ICA1L: variants seen among roughly 807,000 people sequenced by gnomAD.
The protein encoded by ICA1L is islet cell autoantigen 1 like, also known as islet cell autoantigen 1-like protein.
Under a neutral mutation model 61.3 loss-of-function variants are expected in ICA1L, and 50 were observed. That is an observed-to-expected ratio of 0.82 (90% CI 0.65 to 1.03). ICA1L has a LOEUF of 1.03. Among genes scored for constraint, ICA1L ranks in the 50% least tolerant of loss-of-function variants. The probability of loss-of-function intolerance (pLI) is 0.00; values close to 1 mark genes in which losing one functional copy is unlikely to be tolerated. For synonymous variants in ICA1L, 161 were observed against 191.3 expected (o/e 0.84, Z 1.31); for missense variants, 508 against 556.7 (o/e 0.91, Z 0.88).
chr2:202,868,516 A>C (rs1302789220), intron 1 of ICA1L, among the ~76,000 whole-genome samples: 2 of 152,264 alleles, frequency 1.3e-5, no homozygotes, highest in Non-Finnish European at 2.9e-5. Flanking sequence ...GTTTGTGAGC[A>C]AACAGTGCAA....
intron 1 of ICA1L, among the ~76,000 whole-genome samples, chr2:202,862,114 A>G (rs1351965886): frequency 1.3e-5 from 2 of 151,502 alleles, no homozygotes; most frequent in Non-Finnish European, 2.9e-5. Flanking sequence ...TAACACAGAT[A>G]ACATTCTTGG....
At chr2:202,841,477 A>G (rs1322688871) in intron 1 of ICA1L, 1 of 847,374 alleles carries the variant, frequency 1.2e-6, no homozygotes, top group East Asian at 2.4e-5. Flanking sequence ...GGAGGAGGCA[A>G]ATTTGTTGTT....
At chr2:202,805,889 G>A (rs1378181366) in intron 9 of ICA1L, among the ~76,000 whole-genome samples, 1 of 152,192 alleles carries the variant, frequency 6.6e-6, no homozygotes, top group Non-Finnish European at 1.5e-5. Flanking sequence ...AAAAAGTTCT[G>A]TATTTGTGGG....
chr2:202,779,795 T>G, intron 12 of ICA1L, 147 bp from the exon 13 acceptor site: 1 of 547,832 alleles, frequency 1.8e-6, no homozygotes, highest in Admixed American at 3.6e-5. Context: ...ATAGTCCCTT[T>G]AAGATTTTTT....
chr2:202,819,864 T>G lies in ICA1L; in HGVS notation c.395A>C (p.Gln132Pro), dbSNP rs1693650079. The G allele has an allele frequency of 1.9e-6, 3 of 1,614,048 alleles. No individual in the cohort carries two copies. Among genetic ancestry groups the G allele is most frequent in the Non-Finnish European group, 2.5e-6 (3 of 1,180,028 alleles). ...ALCTPLSRLK[Q>P]EVATFSQRAV... ...CCTTTGACTGAATGTTGCTACTTCTTGCTTCAGACGAGACAGAGGAGTACA... is the reference window on the plus strand; with the variant it reads ...CCTTTGACTGAATGTTGCTACTTCTGGCTTCAGACGAGACAGAGGAGTACA... Residue 132 changes from glutamine to proline, a missense_variant, in exon 5 of 13, where the codon CAA (glutamine) becomes CCA (proline). By Grantham distance (76) the Gln-to-Pro change is moderately conservative (BLOSUM62 -1). Coordinates refer to ENST00000358299, the MANE Select transcript of ICA1L (RefSeq NM_001288622.3).
intron 1 of ICA1L, among the ~76,000 whole-genome samples, chr2:202,847,708 T>TATATATATATATATATATATAG (rs1291421326): frequency 2.0e-5 from 3 of 148,124 alleles, no homozygotes; most frequent in African/African-American, 7.5e-5. Context: ...TATATATATA[T>TATATATATATATATATATATAG]AGTTAAGCAG....
chr2:202,861,917 A>G (rs1694928228), intron 1 of ICA1L, among the ~76,000 whole-genome samples: 1 of 147,034 alleles, frequency 6.8e-6, no homozygotes, highest in Non-Finnish European at 1.5e-5. Flanking sequence ...TGAAACCATG[A>G]AAGTTTTAAG....
At chr2:202,851,901 T>C (rs1479446063) in intron 1 of ICA1L, among the ~76,000 whole-genome samples, 1 of 152,232 alleles carries the variant, frequency 6.6e-6, no homozygotes, top group Non-Finnish European at 1.5e-5. Flanking sequence ...AGATTCTGGA[T>C]ATTAGCCCTT....
intron 5 of ICA1L, among the ~76,000 whole-genome samples, chr2:202,818,426 T>C (rs1693602183): frequency 6.6e-6 from 1 of 152,050 alleles, no homozygotes; most frequent in Non-Finnish European, 1.5e-5. Context: ...TCCTGGAGTG[T>C]AGGAAGCAAG....
intron 1 of ICA1L, chr2:202,841,183 C>T: frequency 1.5e-6 from 1 of 677,278 alleles, no homozygotes; most frequent in Non-Finnish European, 2.7e-6. Flanking sequence ...GCTTCATCCA[C>T]ATACTGCCTG....
Position 202,777,211 on chromosome 2 carries a change from C to T in ICA1L, c.*2322G>A, listed in dbSNP as rs1365288965. The T allele has an allele frequency of 6.6e-6, 1 of 152,058 alleles. No homozygotes were observed. 9.4% of individuals were successfully genotyped at this position (152,058 alleles called of 1,614,324 possible). A position where few individuals can be genotyped will look rare whatever the true frequency, so the allele number is the denominator to read the frequency against. On this transcript the variant is annotated 3_prime_UTR_variant, in exon 13 of 13. Coordinates refer to ENST00000358299, the MANE Select transcript of ICA1L (RefSeq NM_001288622.3). ...GGGATTACAGGCATGTACCTCCACA[C>T]CTGGCTAATTTTTGTATTTTTAGTA...
At chr2:202,867,661 T>C (rs865971721) in intron 1 of ICA1L, among the ~76,000 whole-genome samples, 3 of 152,124 alleles carry the variant, frequency 2.0e-5, no homozygotes, top group Non-Finnish European at 4.4e-5. Context: ...AAACAAAAAT[T>C]AAAACCACAA....
chr2:202,861,855 G>T (rs1162869806), intron 1 of ICA1L, among the ~76,000 whole-genome samples: 1 of 121,954 alleles, frequency 8.2e-6, no homozygotes, highest in Admixed American at 1.0e-4. Flanking sequence ...CTGCACTCCA[G>T]CCTGGGCAAC....
intron 1 of ICA1L, among the ~76,000 whole-genome samples, chr2:202,832,362 G>A (rs920872061): frequency 2.7e-5 from 4 of 147,688 alleles, no homozygotes; most frequent in Non-Finnish European, 3.0e-5. Flanking sequence ...CAGGAAAATC[G>A]CTTGAACCCG....
chr2:202,808,174 G>A (rs532250489), intron 9 of ICA1L, among the ~76,000 whole-genome samples: 2 of 152,264 alleles, frequency 1.3e-5, no homozygotes, highest in Non-Finnish European at 2.9e-5. Context: ...AGTCACCTGG[G>A]GTAGTCAGTT....
Position 202,775,454 on chromosome 2 carries a change from C to T in ICA1L, c.*4079G>A, listed in dbSNP as rs542880336. The T allele has an allele frequency of 6.6e-6, 1 of 152,134 alleles. No individual in the cohort carries two copies. The highest frequency in any genetic ancestry group is 1.5e-5 in the Non-Finnish European group (1 of 68,036). 9.4% of individuals were successfully genotyped at this position (152,134 alleles called of 1,614,324 possible). ...TTACTGAAAGTATTTACATAAATAA[C>T]GTACATTATATTATTTCCCATATCT... On this transcript the variant is annotated 3_prime_UTR_variant, in exon 13 of 13. Coordinates refer to ENST00000358299, the MANE Select transcript of ICA1L (RefSeq NM_001288622.3).
intron 10 of ICA1L, among the ~76,000 whole-genome samples, chr2:202,796,640 T>C (rs1372240197): frequency 6.6e-6 from 1 of 152,172 alleles, no homozygotes; most frequent in African/African-American, 2.4e-5. Flanking sequence ...CTGCTGGTGG[T>C]TGAGATACAT....
Position 202,777,434 on chromosome 2 carries a change from A to G in ICA1L, c.*2099T>C, listed in dbSNP as rs1162181446. 1 of 152,128 alleles carries G rather than the reference A, an allele frequency of 6.6e-6. No homozygotes were observed. The highest frequency in any genetic ancestry group is 1.9e-4 in the East Asian group (1 of 5,194). 9.4% of individuals were successfully genotyped at this position (152,128 alleles called of 1,614,324 possible). A position where few individuals can be genotyped will look rare whatever the true frequency, so the allele number is the denominator to read the frequency against. Reference sequence around the variant, plus strand: ...GTATAGAATTCAGATTGGGATTCGTAATCATGATCTTGGTGATTGGAACTT... The same window carrying G: ...GTATAGAATTCAGATTGGGATTCGTGATCATGATCTTGGTGATTGGAACTT... On this transcript the variant is annotated 3_prime_UTR_variant, in exon 13 of 13. Coordinates refer to ENST00000358299, the MANE Select transcript of ICA1L (RefSeq NM_001288622.3).
intron 9 of ICA1L, among the ~76,000 whole-genome samples, chr2:202,810,372 T>C (rs543231900): frequency 3.9e-5 from 6 of 152,242 alleles, no homozygotes; most frequent in African/African-American, 7.2e-5. Context: ...TAATTTCTTA[T>C]GCCTGTCTTT....
Sources: allele counts gnomAD v4.1 joint callset (sites outside exome capture counted in the v4.1 genomes callset), GRCh38; gene constraint gnomAD v4.1.1; transcripts MANE v1.5; gene names NCBI Gene and HGNC (gene_info 2026-07-23, HGNC 2026-07-21).